WASHC2C: variants seen among roughly 807,000 people sequenced by gnomAD.
The protein encoded by WASHC2C is Vaccinia Penetration Factor.
In WASHC2C, 73 loss-of-function variants were observed where a neutral mutation model predicts 142.2. The observed-to-expected ratio is 0.51, with a 90% CI of 0.43 to 0.62. WASHC2C has a LOEUF of 0.62. WASHC2C is among the 20% of genes least tolerant of loss of function. The pLI is 0.00. For synonymous variants in WASHC2C, 337 were observed against 565.5 expected (o/e 0.60, Z 5.73); for missense variants, 969 against 1,531.7 (o/e 0.63, Z 6.13).
chr10:45,784,272 A>ATATATGTG (rs2057799112), intron 23 of WASHC2C, among the ~76,000 whole-genome samples: 3 of 5,988 alleles, frequency 5.0e-4, no homozygotes, highest in African/African-American at 9.2e-4. Context: ...ATATATATAT[A>ATATATGTG]TATATATATA....
intron 3 of WASHC2C, among the ~76,000 whole-genome samples, chr10:45,734,324 GTTC>G (rs1252201714): frequency 2.6e-5 from 4 of 151,122 alleles, no homozygotes; most frequent in African/African-American, 7.3e-5. Context: ...ATTTTTTTCT[GTTC>G]TTGTTTTTTA....
At position 45,754,824 on chromosome 10, in the gene WASHC2C, T is replaced by G. The variant is rs1198004053; in HGVS notation, c.1241-112T>G. On this transcript the variant is annotated intron_variant, in intron 14 of 30. Transcript: ENST00000623400. ...GGAGGCTATTGGGCCCTGTTATGCA[T>G]TTTGTGGATTAACTGAAATGGAAAG... 7 of 1,381,022 alleles carry G rather than the reference T, an allele frequency of 5.1e-6. No homozygotes were observed. In the Admixed American group the frequency reaches 1.2e-4, roughly 24 times the overall value. The allele number at this position is 1,381,022 out of a possible 1,614,324, so 85.5% of individuals were successfully genotyped here. A position where few individuals can be genotyped will look rare whatever the true frequency, so the allele number is the denominator to read the frequency against.
chr10:45,763,022 A>G (rs2055331216), intron 17 of WASHC2C, among the ~76,000 whole-genome samples: 1 of 152,154 alleles, frequency 6.6e-6, no homozygotes. Context: ...GACCCTGTCT[A>G]ATCTCTGATT....
At chr10:45,790,144 G>A (rs2058313066) in intron 29 of WASHC2C, among the ~76,000 whole-genome samples, 1 of 152,232 alleles carries the variant, frequency 6.6e-6, no homozygotes, top group Admixed American at 6.5e-5. Context: ...TGGTAGAGAA[G>A]GTGTCACTGC....
At chr10:45,741,955 G>A (rs2052120245) in intron 5 of WASHC2C, among the ~76,000 whole-genome samples, 1 of 151,828 alleles carries the variant, frequency 6.6e-6, no homozygotes, top group Non-Finnish European at 1.5e-5. Flanking sequence ...CATGACACCT[G>A]GCTAATTTTT....
chr10:45,731,794 T>TC (rs1554862479), intron 3 of WASHC2C, among the ~76,000 whole-genome samples: 7 of 35,906 alleles, frequency 1.9e-4, no homozygotes, highest in Non-Finnish European at 3.8e-4. Flanking sequence ...GTGATCTGGC[T>TC]TTTTTTTTTT....
At position 45,751,580 on chromosome 10, in the gene WASHC2C, T is replaced by C. The variant is rs1457440037; in HGVS notation, c.1003+27T>C. 20 of 1,102,932 alleles carry C rather than the reference T, an allele frequency of 1.8e-5. No homozygotes were observed. The African/African-American group carries it at 2.4e-4, about 13-fold the overall frequency. 68.3% of individuals were successfully genotyped at this position (1,102,932 alleles called of 1,614,324 possible). A position where few individuals can be genotyped will look rare whatever the true frequency, so the allele number is the denominator to read the frequency against. ...TGGGCCTTTTCCCTCAATTCTGTTA[T>C]TTTAGGAGCCTGTTGACTAAGGAAT... On this transcript the variant is annotated intron_variant, in intron 11 of 30. Transcript: ENST00000623400.
Position 45,769,333 on chromosome 10 carries a change from T to G in WASHC2C, c.1870-116T>G, listed in dbSNP as rs1395409130. 6 of 1,440,012 alleles carry G rather than the reference T, an allele frequency of 4.2e-6. No homozygotes were observed. The African/African-American group carries it at 8.7e-5, about 21-fold the overall frequency. 89.2% of individuals were successfully genotyped at this position (1,440,012 alleles called of 1,614,324 possible). A position where few individuals can be genotyped will look rare whatever the true frequency, so the allele number is the denominator to read the frequency against. On this transcript the variant is annotated intron_variant, in intron 19 of 30. Coordinates refer to ENST00000623400, the MANE Select transcript of WASHC2C (RefSeq NM_001330074.2). ...TGGGGTTTCACCGTGTTAGCAAGGA[T>G]GGTCTTGATCTGCTGATCTCGTGAT...
At chr10:45,757,585 C>G (rs1554877851) in intron 16 of WASHC2C, among the ~76,000 whole-genome samples, 1 of 152,044 alleles carries the variant, frequency 6.6e-6, no homozygotes, top group Admixed American at 6.5e-5. Context: ...CTCCAGTTGC[C>G]CCAGAATGTC....
intron 2 of WASHC2C, 59 bp downstream of exon 2, chr10:45,727,598 G>C (rs2050015499): frequency 1.3e-6 from 2 of 1,507,798 alleles, no homozygotes; most frequent in African/African-American, 1.4e-5. Flanking sequence ...CTTGCGCGCA[G>C]GAGGGCCGGA....
chr10:45,743,024 G>A lies in WASHC2C; in HGVS notation c.529-366G>A, dbSNP rs1208107476. On this transcript the variant is annotated intron_variant, in intron 5 of 30. Coordinates refer to ENST00000623400, the MANE Select transcript of WASHC2C (RefSeq NM_001330074.2). ...CGAGTAGCTAGGATGACAGTTACCCGCCACCATGTCCCGCTAATTTTTTTG... is the reference window on the plus strand; with the variant it reads ...CGAGTAGCTAGGATGACAGTTACCCACCACCATGTCCCGCTAATTTTTTTG... Among the ~76,000 whole-genome samples, 12 of 151,578 alleles carry A rather than the reference G, an allele frequency of 7.9e-5. No homozygotes were observed. The East Asian group carries it at 1.8e-3, about 22-fold the overall frequency.
At chr10:45,755,509 G>T (rs1247243833) in intron 15 of WASHC2C, among the ~76,000 whole-genome samples, 1 of 152,302 alleles carries the variant, frequency 6.6e-6, no homozygotes, top group Non-Finnish European at 1.5e-5. Flanking sequence ...TCATTTCTCT[G>T]CCAAAAAGCT....
chr10:45,740,707 G>A (rs1383593714), intron 5 of WASHC2C, among the ~76,000 whole-genome samples: 4 of 152,128 alleles, frequency 2.6e-5, no homozygotes, highest in African/African-American at 4.8e-5. Flanking sequence ...AAGGCATTTG[G>A]GTTGTTTCCG....
At chr10:45,772,493 A>T (rs1436789375) in intron 20 of WASHC2C, among the ~76,000 whole-genome samples, 1 of 151,990 alleles carries the variant, frequency 6.6e-6, no homozygotes. Context: ...AAGTGGAAGG[A>T]TCTCTTGAGG....
intron 15 of WASHC2C, 29 bp from the exon 16 acceptor site, chr10:45,756,983 G>A: frequency 6.4e-7 from 1 of 1,564,610 alleles, no homozygotes; most frequent in South Asian, 1.2e-5. Flanking sequence ...TGACGTTAGT[G>A]TCATTTTATG....
intron 20 of WASHC2C, 115 bp downstream of exon 20, chr10:45,769,733 GT>G (rs1279738702): frequency 7.2e-7 from 1 of 1,395,172 alleles, no homozygotes; most frequent in African/African-American, 1.4e-5. Context: ...CATAGTGATT[GT>G]GCCAGTGAGA....
At chr10:45,741,829 A>C (rs1589630616) in intron 5 of WASHC2C, among the ~76,000 whole-genome samples, 1 of 140,078 alleles carries the variant, frequency 7.1e-6, no homozygotes. Context: ...ACAGAGTTTC[A>C]CTCTTGTTGC....
rs547732746 is a variant in WASHC2C at position 45,757,537 on chromosome 10, C to G, written c.1548+398C>G. ...AACAGCTGTGAGACTAACAGTAATT[C>G]TATAGTAGAATCTAATATCTAGTCT... On this transcript the variant is annotated intron_variant, in intron 16 of 30. Transcript: ENST00000623400. Among the ~76,000 whole-genome samples the G allele has an allele frequency of 7.1e-3, 1,074 of 152,032 alleles. 4 individuals carry two copies. Among genetic ancestry groups the G allele is most frequent in the Non-Finnish European group, 0.01 (712 of 67,974 alleles).
At chr10:45,784,269 T>C (rs1348199468) in intron 23 of WASHC2C, among the ~76,000 whole-genome samples, 803 of 13,474 alleles carry the variant, frequency 0.06, 42 homozygotes, top group African/African-American at 0.16. Context: ...TATATATATA[T>C]ATATATATAT....
Sources: allele counts gnomAD v4.1 joint callset (sites outside exome capture counted in the v4.1 genomes callset), GRCh38; gene constraint gnomAD v4.1.1; transcripts MANE v1.5; gene names NCBI Gene and HGNC (gene_info 2026-07-23, HGNC 2026-07-21).